Variants in SLC1A3 observed in about 807,000 individuals in gnomAD.
The protein encoded by SLC1A3 is excitatory amino acid transporter 1.
Under a neutral mutation model 48.1 loss-of-function variants are expected in SLC1A3, and 21 were observed. That is an observed-to-expected ratio of 0.44 (90% confidence interval 0.31 to 0.63). The LOEUF (loss-of-function observed/expected upper bound fraction) is 0.63, where lower values mean the gene tolerates loss of function less well. Among genes scored for constraint, SLC1A3 ranks in the 20% least tolerant of loss-of-function variants. SLC1A3 has a pLI of 0.08. For synonymous variants in SLC1A3, 239 were observed against 251.4 expected (o/e 0.95, Z 0.47); for missense variants, 546 against 689.0 (o/e 0.79, Z 2.32).
At chr5:36,674,829 G>A (rs957091697) in intron 5 of SLC1A3, among the ~76,000 whole-genome samples, 16 of 152,102 alleles carry the variant, frequency 1.1e-4, no homozygotes, top group African/African-American at 3.6e-4. Context: ...TATTCAGGGC[G>A]ATGAGACACC....
chr5:36,629,456 T>C lies in SLC1A3; in HGVS notation c.188T>C (p.Ile63Thr), dbSNP rs138559945. Reference protein sequence around the residue: ...LTVTAVIVGTILGFTLRPYRM... With the variant: ...LTVTAVIVGTTLGFTLRPYRM... Reference sequence around the variant, plus strand: ...TTTTTTTTTTTTCCTTCAGGTACAATCCTTGGATTTACCCTCCGACCATAC... The same window carrying C: ...TTTTTTTTTTTTCCTTCAGGTACAACCCTTGGATTTACCCTCCGACCATAC... The change falls in exon 3 of 10, where the codon ATC becomes ACC. Residue 63 changes from isoleucine (I) to threonine (T), a missense_variant. Around this residue, in one of 3 missense-constraint regions of SLC1A3, gnomAD observed 348 missense variants for 392.0 expected, o/e 0.89. Coordinates refer to ENST00000265113, the MANE Select transcript of SLC1A3 (RefSeq NM_004172.5). 135 of 1,572,592 alleles carry C rather than the reference T, an allele frequency of 8.6e-5. 1 individual carries two copies. Among genetic ancestry groups the C allele is most frequent in the Middle Eastern group, 5.0e-4 (3 of 5,980 alleles).
intron 3 of SLC1A3, among the ~76,000 whole-genome samples, chr5:36,632,404 G>A (rs1740169639): frequency 6.6e-6 from 1 of 152,192 alleles, no homozygotes; most frequent in South Asian, 2.1e-4. Flanking sequence ...ATCATTGGCA[G>A]TCCTGTGCCA....
At chr5:36,615,703 T>C (rs1368581198) in intron 2 of SLC1A3, among the ~76,000 whole-genome samples, 4 of 152,258 alleles carry the variant, frequency 2.6e-5, no homozygotes, top group African/African-American at 9.6e-5. Flanking sequence ...CTAACCTGTT[T>C]AGAGGAGGCA....
At chr5:36,656,778 T>C (rs533394144) in intron 3 of SLC1A3, among the ~76,000 whole-genome samples, 10 of 152,356 alleles carry the variant, frequency 6.6e-5, no homozygotes, top group African/African-American at 2.4e-4. Context: ...TCAACAAAGC[T>C]ATACTGAGTT....
At chr5:36,601,034 C>G (rs1049127168) in intron 1 of SLC1A3, among the ~76,000 whole-genome samples, 5 of 152,186 alleles carry the variant, frequency 3.3e-5, no homozygotes, top group Admixed American at 2.0e-4. Context: ...ATAAACAATA[C>G]CCAGACCTCC....
At chr5:36,615,969 G>A (rs568232030) in intron 2 of SLC1A3, among the ~76,000 whole-genome samples, 66 of 152,284 alleles carry the variant, frequency 4.3e-4, no homozygotes, top group African/African-American at 7.5e-4. Flanking sequence ...AGGCCGAGGC[G>A]GGTGGATTAC....
intron 1 of SLC1A3, 79 bp downstream of exon 1, chr5:36,606,814 A>T (rs923745258): frequency 1.3e-5 from 2 of 152,392 alleles, no homozygotes; most frequent in Admixed American, 6.5e-5. Flanking sequence ...CCTTCCAAGC[A>T]GAGGAGTAGC....
chr5:36,677,035 T>C lies in SLC1A3; in HGVS notation c.711T>C (p.Ser237=), dbSNP rs192878413. The C allele has an allele frequency of 4.6e-5, 75 of 1,614,170 alleles. No homozygotes were observed. In the Admixed American group the frequency reaches 1.2e-3, roughly 27 times the overall value. Residue 237 remains serine (S), a synonymous_variant, in exon 6 of 10, where the codon TCT becomes TCC. Coordinates refer to ENST00000265113, the MANE Select transcript of SLC1A3 (RefSeq NM_004172.5). Reference sequence around the variant, plus strand: ...AGGAGCTGGTCCCAGTTCCAGGATCTGTGAATGGAGTCAATGCCCTGGGTC... The same window carrying C: ...AGGAGCTGGTCCCAGTTCCAGGATCCGTGAATGGAGTCAATGCCCTGGGTC... ...ITEELVPVPG[S]VNGVNALGLV...
chr5:36,599,319 A>G (rs1283075610), intron 1 of SLC1A3, among the ~76,000 whole-genome samples: 1 of 152,126 alleles, frequency 6.6e-6, no homozygotes, highest in African/African-American at 2.4e-5. Flanking sequence ...ATTTACTTGG[A>G]TAACTTTGGG....
chr5:36,599,651 AG>A (rs1343068651), intron 1 of SLC1A3, among the ~76,000 whole-genome samples: 2 of 150,618 alleles, frequency 1.3e-5, no homozygotes, highest in Non-Finnish European at 2.9e-5. Flanking sequence ...CTGGGACTAC[AG>A]GTGTGCGCCA....
intron 3 of SLC1A3, among the ~76,000 whole-genome samples, chr5:36,641,886 A>T (rs957659431): frequency 6.6e-6 from 1 of 152,250 alleles, no homozygotes; most frequent in East Asian, 1.9e-4. Context: ...TAAAAGTAAA[A>T]TTATAAGCAT....
chr5:36,603,950 T>C (rs915015508), upstream of SLC1A3, among the ~76,000 whole-genome samples: 2 of 152,242 alleles, frequency 1.3e-5, no homozygotes, highest in African/African-American at 4.8e-5. Flanking sequence ...AATTTCCTAA[T>C]TTTGAATGGT....
At chr5:36,636,122 A>C (rs1224784492) in intron 3 of SLC1A3, 1 of 151,516 alleles carries the variant, frequency 6.6e-6, no homozygotes, top group East Asian at 1.9e-4. Flanking sequence ...GTCTAGCTAT[A>C]CCAAAAAGAA....
chr5:36,659,789 G>A (rs1287675737), intron 3 of SLC1A3, among the ~76,000 whole-genome samples: 2 of 152,120 alleles, frequency 1.3e-5, no homozygotes, highest in African/African-American at 4.8e-5. Context: ...TATGTCCTTT[G>A]CCAGAGTATC....
Position 36,670,852 on chromosome 5 carries a change from C to G in SLC1A3, c.320-177C>G. 7.6e-6 allele frequency: 5 copies of G among 657,206 alleles called. No homozygotes were observed. The South Asian group carries it at 8.6e-5, about 11-fold the overall frequency. 40.7% of individuals were successfully genotyped at this position (657,206 alleles called of 1,614,324 possible). ...ACTGCTGATGCCTCACCATTCTAGC[C>G]TCGGCCTTTTCCCTTCACCTTGTGA... On this transcript the variant is annotated intron_variant, in intron 3 of 9. Coordinates refer to ENST00000265113, the MANE Select transcript of SLC1A3 (RefSeq NM_004172.5).
chr5:36,638,376 C>A (rs1422046165), intron 3 of SLC1A3, among the ~76,000 whole-genome samples: 1 of 152,198 alleles, frequency 6.6e-6, no homozygotes, highest in Non-Finnish European at 1.5e-5. Context: ...CCTCTCTCAA[C>A]GTCCTAATGC....
intron 2 of SLC1A3, among the ~76,000 whole-genome samples, chr5:36,614,409 G>A (rs565697930): frequency 1.3e-5 from 2 of 152,280 alleles, no homozygotes; most frequent in South Asian, 4.1e-4. Context: ...CTTAGCTAGA[G>A]AAGAGAGCCA....
chr5:36,597,233 C>CTTTTTTTTTTT lies in SLC1A3; in HGVS notation c.-96+576_-96+586dup, dbSNP rs70976237. On this transcript the variant is annotated intron_variant, in intron 1 of 9. Transcript: ENST00000680318. ...CACACCGAAAACTTCTTCTTCCTTT[C>CTTTTTTTTTTT]TTTTTTTTTTTTTTTTTTTTTTTTT... Among the ~76,000 whole-genome samples, 300 of 46,132 alleles carry CTTTTTTTTTTT rather than the reference C, an allele frequency of 6.5e-3. 85 individuals carry two copies. Among genetic ancestry groups the CTTTTTTTTTTT allele is most frequent in the Middle Eastern group, 0.056 (2 of 36 alleles). 30.3% of individuals were successfully genotyped at this position (46,132 alleles called of 152,430 possible).
At chr5:36,630,625 T>A (rs964652930) in intron 3 of SLC1A3, among the ~76,000 whole-genome samples, 5 of 152,212 alleles carry the variant, frequency 3.3e-5, no homozygotes, top group Non-Finnish European at 7.3e-5. Flanking sequence ...CTCAAGGATA[T>A]TTATACTATC....
Sources: gnomAD v4.1 joint callset for allele counts (sites outside exome capture counted in the v4.1 genomes callset) on GRCh38, gnomAD v4.1.1 for gene constraint, gnomAD v4.1.1 regional missense constraint, MANE v1.5 for transcripts, NCBI Gene and HGNC (gene_info 2026-07-23, HGNC 2026-07-21) for gene names.